RNPEP: variants seen among roughly 807,000 people sequenced by gnomAD.
RNPEP encodes aminopeptidase B.
A neutral mutation model predicts 70.1 loss-of-function variants in RNPEP; 57 were observed. The ratio of observed to expected loss-of-function variants is 0.81; its 90% CI spans 0.66 to 1.01. The LOEUF is 1.01. Ranked by LOEUF, RNPEP falls within the 50% of genes least tolerant of loss-of-function variation. The pLI is 0.00. For missense variants in RNPEP, 787 were observed against 852.4 expected, an observed-to-expected ratio of 0.92 and a Z score of 0.96; for synonymous variants, 335 against 357.4, an observed-to-expected ratio of 0.94 and a Z score of 0.71.
chr1:201,986,091 A>C (rs1452532572), intron 1 of RNPEP, among the ~76,000 whole-genome samples: 3 of 151,966 alleles, frequency 2.0e-5, no homozygotes, highest in Non-Finnish European at 4.4e-5. Context: ...CGCCCAGCTA[A>C]TTTTTTGAAT....
In RNPEP at chr1:201,999,935, G is replaced by A; in HGVS notation, c.1124G>A (p.Gly375Glu). Residue 375 changes from glycine to glutamate, a missense_variant, in exon 6 of 11, where the codon GGG becomes GAG. Coordinates refer to ENST00000295640, the MANE Select transcript of RNPEP (RefSeq NM_020216.4). ...AAYTCLEAAT[G>E]RALLRQHMDI... ...TACACCTGCTTGGAGGCTGCAACGG[G>A]GCGGGCTCTGCTGCGTCAGCACATG... 1.9e-6 allele frequency: 3 copies of A among 1,613,850 alleles called. No homozygotes were observed. Among genetic ancestry groups the A allele is most frequent in the Non-Finnish European group, 2.5e-6 (3 of 1,179,882 alleles).
chr1:201,993,904 A>AC (rs374217487), intron 3 of RNPEP, among the ~76,000 whole-genome samples: 1,910 of 136,726 alleles, frequency 0.014, 41 homozygotes, highest in African/African-American at 0.043. Flanking sequence ...ACTTCTTGAA[A>AC]CCCCCCCACC....
At chr1:201,995,198 G>A (rs1384914612) in intron 3 of RNPEP, among the ~76,000 whole-genome samples, 1 of 152,074 alleles carries the variant, frequency 6.6e-6, no homozygotes, top group Admixed American at 6.5e-5. Context: ...AAAATTGAAA[G>A]GATGATGCAT....
At chr1:201,984,199 C>G (rs1455021178) in intron 1 of RNPEP, among the ~76,000 whole-genome samples, 1 of 152,184 alleles carries the variant, frequency 6.6e-6, no homozygotes, top group Admixed American at 6.5e-5. Context: ...TCCCAAAGTG[C>G]TGGGATTACA....
intron 5 of RNPEP, among the ~76,000 whole-genome samples, chr1:201,998,729 G>A (rs1410292138): frequency 2.6e-5 from 4 of 152,174 alleles, no homozygotes; most frequent in African/African-American, 9.7e-5. Context: ...TGAAGAAACT[G>A]AGGCTGAGAG....
chr1:201,983,092 C>T lies in RNPEP; in HGVS notation c.426C>T (p.Tyr142=). The change falls in exon 1 of 11, where the codon TAC becomes TAT. Residue 142 remains tyrosine, a synonymous_variant. Transcript: ENST00000295640. ...AGCGCCTCCAGGTGCTGCTCACCTA[C>T]CGCGTCGGGGAGGGACCCGGGGTGA... ...AAERLQVLLT[Y]RVGEGPGVCW... is the part of the protein sequence containing the mutation. 1 of 1,508,796 alleles carries T rather than the reference C, an allele frequency of 6.6e-7. No homozygotes were observed. 93.5% of individuals were successfully genotyped at this position (1,508,796 alleles called of 1,614,324 possible). A position where few individuals can be genotyped will look rare whatever the true frequency, so the allele number is the denominator to read the frequency against.
At chr1:201,983,323 T>A (rs1683008452) in intron 1 of RNPEP, 7 of 1,414,106 alleles carry the variant, frequency 5.0e-6, no homozygotes, top group South Asian at 4.6e-5. Context: ...CTTCTGGACT[T>A]CCTCCAGCCA....
intron 3 of RNPEP, among the ~76,000 whole-genome samples, chr1:201,993,335 G>T (rs1313086388): frequency 6.6e-6 from 1 of 152,132 alleles, no homozygotes; most frequent in Non-Finnish European, 1.5e-5. Context: ...GGTGGCTCAC[G>T]CTTGTAATCC....
At chr1:201,995,981 G>A (rs1360311159) in intron 3 of RNPEP, 166 bp from the exon 4 acceptor site, 9 of 597,098 alleles carry the variant, frequency 1.5e-5, no homozygotes, top group African/African-American at 3.7e-5. Flanking sequence ...TGTGGTGAGC[G>A]GTCTCTTGGA....
At position 202,001,663 on chromosome 1, in the gene RNPEP, ATG is replaced by A. The variant is rs1558267532; in HGVS notation, c.1325_1326del (p.Val442AlafsTer2). 6.2e-7 allele frequency: 1 copy of A among 1,611,372 alleles called. No individual in the cohort carries two copies. The highest frequency in any genetic ancestry group is 2.2e-5 in the East Asian group (1 of 44,876). ...AAGAGCTTTCCCTCCTCACAGGCCT[ATG>A]TGCATGAATTCAAATTCCGAAGCAT... is the stretch of plus-strand genomic sequence containing the variant. On this transcript the variant is annotated frameshift_variant, in exon 8 of 11. Coordinates refer to ENST00000295640, the MANE Select transcript of RNPEP (RefSeq NM_020216.4). LOFTEE classifies it high-confidence loss of function.
intron 3 of RNPEP, among the ~76,000 whole-genome samples, chr1:201,993,941 T>C (rs918029894): frequency 7.5e-5 from 10 of 133,944 alleles, no homozygotes; most frequent in African/African-American, 2.2e-4. Context: ...CTACAACCCA[T>C]TGGAATCCAG....
In RNPEP at chr1:201,989,555, C is replaced by T. The variant is rs747506361; in HGVS notation, c.737+24C>T. The T allele has an allele frequency of 1.9e-6, 3 of 1,613,582 alleles. No individual in the cohort carries two copies. The African/African-American group carries it at 4.0e-5, about 22-fold the overall frequency. ...AGGTAGGAGACAAAGACCCCACAGG[C>T]AAGGTTGGATTGGCCTCAGAGGTGA... On this transcript the variant is annotated intron_variant, in intron 3 of 10. Coordinates refer to ENST00000295640, the MANE Select transcript of RNPEP (RefSeq NM_020216.4).
intron 1 of RNPEP, among the ~76,000 whole-genome samples, chr1:201,987,262 A>G (rs549364665): frequency 6.6e-6 from 1 of 152,120 alleles, no homozygotes; most frequent in African/African-American, 2.4e-5. Flanking sequence ...TCCAGCCAGA[A>G]AGTTTTCTTC....
intron 9 of RNPEP, among the ~76,000 whole-genome samples, chr1:202,003,784 C>T (rs1008788882): frequency 2.6e-5 from 4 of 152,288 alleles, no homozygotes; most frequent in Non-Finnish European, 5.9e-5. Flanking sequence ...GCTTTTGTGT[C>T]TATTAAGTCA....
Position 201,999,990 on chromosome 1 carries a change from C to T in RNPEP, c.1179C>T (p.Asn393=). Residue 393 remains asparagine, a synonymous_variant, in exon 6 of 11, where the codon AAC becomes AAT. Transcript: ENST00000295640. ...TCACTGGAGAGGAAAACCCACTCAA[C>T]AAGCTCCGCGTGAAGATTGAACCAG... The part of the protein sequence containing the change: ...MDITGEENPL[N]KLRVKIEPGV... The T allele has an allele frequency of 1.2e-6, 2 of 1,613,810 alleles. No homozygotes were observed. The highest frequency in any genetic ancestry group is 1.3e-5 in the African/African-American group (1 of 75,032).
chr1:202,005,508 C>T (rs1410132065), intron 10 of RNPEP, 50 bp from the exon 11 acceptor site: 1 of 1,602,374 alleles, frequency 6.2e-7, no homozygotes, highest in East Asian at 2.2e-5. Flanking sequence ...CAGGGCTGGA[C>T]AGATCCACCA....
chr1:201,985,733 T>C (rs1018504624), intron 1 of RNPEP, among the ~76,000 whole-genome samples: 1 of 152,212 alleles, frequency 6.6e-6, no homozygotes, highest in African/African-American at 2.4e-5. Flanking sequence ...AGTATAATAA[T>C]ATATTTGTTA....
rs754483526 is a variant in RNPEP at position 202,001,436 on chromosome 1, C to G, written c.1265C>G (p.Ser422Ter). ...TACGAGAAAGGTTTCTGCTTTGTTT[C>G]ATACCTGGCCCACTTGGTGGGTGAT... ...TPYEKGFCFVSYLAHLVGDQD... is the reference protein window; with the variant it reads ...TPYEKGFCFV The change falls in exon 7 of 11, where the codon TCA becomes TGA. Residue 422 changes from serine (S) to a stop codon, truncating the protein, a stop_gained. Coordinates refer to ENST00000295640, the MANE Select transcript of RNPEP (RefSeq NM_020216.4). LOFTEE classifies it high-confidence loss of function. 6.2e-7 allele frequency: 1 copy of G among 1,613,930 alleles called. No individual in the cohort carries two copies. Among genetic ancestry groups the G allele is most frequent in the Non-Finnish European group, 8.5e-7 (1 of 1,179,800 alleles).
chr1:202,002,346 G>A (rs1044767411), intron 8 of RNPEP, among the ~76,000 whole-genome samples: 3 of 152,082 alleles, frequency 2.0e-5, no homozygotes, highest in African/African-American at 7.2e-5. Flanking sequence ...ATTTTTAGTA[G>A]AGACGGGGTT....
Sources: gnomAD v4.1 joint callset for allele counts (sites outside exome capture counted in the v4.1 genomes callset) on GRCh38, gnomAD v4.1.1 for gene constraint, MANE v1.5 for transcripts, NCBI Gene and HGNC (gene_info 2026-07-23, HGNC 2026-07-21) for gene names.